The following MYO18A variants were observed in gnomAD, a reference collection of about 807,000 sequenced individuals.
MYO18A encodes the protein unconventional myosin-XVIIIa.
In MYO18A, 78 loss-of-function variants were observed where a neutral mutation model predicts 235.8. The ratio of observed to expected loss-of-function variants is 0.33; its 90% CI spans 0.28 to 0.40. The LOEUF (loss-of-function observed/expected upper bound fraction) is 0.40. MYO18A is among the 10% of genes least tolerant of loss of function. The probability of loss-of-function intolerance (pLI) is 1.00; values close to 1 mark genes in which losing one functional copy is unlikely to be tolerated. For missense variants in MYO18A, 2,215 were observed against 2,699.3 expected (o/e 0.82, Z 3.98); for synonymous variants, 977 against 1,077.8 (o/e 0.91, Z 1.83).
intron 1 of MYO18A, among the ~76,000 whole-genome samples, chr17:29,171,100 G>T (rs185699247): frequency 7.2e-5 from 11 of 152,290 alleles, no homozygotes; most frequent in Non-Finnish European, 4.4e-5. Flanking sequence ...TATATTGATA[G>T]CGGTTTGGGT....
At chr17:29,095,998 A>G (rs2066510412) in intron 28 of MYO18A, among the ~76,000 whole-genome samples, 1 of 152,182 alleles carries the variant, frequency 6.6e-6, no homozygotes, top group South Asian at 2.1e-4. Flanking sequence ...TGGGAGGAAT[A>G]GAAAACCTTC....
rs1186591007 is a variant in MYO18A, at chr17:29,121,095, G to T, written c.1488C>A (p.Leu496=). 3 of 1,612,480 alleles carry T rather than the reference G, an allele frequency of 1.9e-6. No individual in the cohort carries two copies. In the South Asian group the frequency reaches 3.3e-5, roughly 18 times the overall value. Residue 496 remains leucine, a synonymous_variant, in exon 6 of 42, where the codon CTC becomes CTA. Transcript: ENST00000527372. This position sits in a 1 kb window ranked among gnomAD's most constrained non-coding sequence, Gnocchi z 4.2. ...LMSRQDQSII[L]LGSSGSGKTT... is the part of the protein sequence containing the mutation. ...TCTTGCCACTGCCACTACTGCCCAG[G>T]AGGATGATTGACTGATCCTGACGGC...
At chr17:29,164,945 C>T (rs1357087446) in intron 2 of MYO18A, among the ~76,000 whole-genome samples, 1 of 152,186 alleles carries the variant, frequency 6.6e-6, no homozygotes, top group African/African-American at 2.4e-5. Flanking sequence ...TGCTTTTTCT[C>T]CTTCCAGGAG....
At chr17:29,085,461 T>C (rs528311916) in intron 40 of MYO18A, 143 bp downstream of exon 40, 44 of 723,972 alleles carry the variant, frequency 6.1e-5, no homozygotes, top group South Asian at 2.0e-4. Context: ...AGTCAGCATG[T>C]TAGCGTTAGA....
rs144646981 is a variant in MYO18A, at chr17:29,120,799, G to A, written c.1586-41C>T. On this transcript the variant is annotated intron_variant, in intron 6 of 41. Transcript: ENST00000527372. This position sits in a 1 kb window ranked among gnomAD's most constrained non-coding sequence, Gnocchi z 4.2. ...CCAAGGGGATATCAGGAAAGCCAGG[G>A]GCAGCTTATCCCCCAGCTAGGAGCT... 6.8e-5 allele frequency: 109 copies of A among 1,596,494 alleles called. No homozygotes were observed. In the African/African-American group the frequency reaches 1.2e-3, roughly 17 times the overall value.
Position 29,084,944 on chromosome 17 carries a change from C to T in MYO18A, c.5897+660G>A, listed in dbSNP as rs1234943817. Among the ~76,000 whole-genome samples the T allele has an allele frequency of 2.6e-5, 4 of 152,192 alleles. No homozygotes were observed. In the East Asian group the frequency reaches 7.7e-4, roughly 29 times the overall value. On this transcript the variant is annotated intron_variant, in intron 40 of 41. Coordinates refer to ENST00000527372, the MANE Select transcript of MYO18A (RefSeq NM_078471.4). ...GAGAGGGCTGGATTTCCTGGGCTTC[C>T]TGCCACCTGACAGTACCAGCACAAG...
intron 2 of MYO18A, among the ~76,000 whole-genome samples, chr17:29,156,384 C>T (rs908791886): frequency 2.6e-5 from 4 of 152,190 alleles, no homozygotes; most frequent in Non-Finnish European, 5.9e-5. Flanking sequence ...GGCAGCCTGT[C>T]CCCAGGACCT....
rs1598305858 is a variant in MYO18A, at chr17:29,103,634, G to T, written c.3472C>A (p.Leu1158Met). The change falls in exon 21 of 42, where the codon CTG (leucine) becomes ATG (methionine). Residue 1158 changes from leucine (L) to methionine (M), a missense_variant. Transcript: ENST00000527372. ...AVEELLECLD[L>M]EKSSCCMGLS... ...CCCATGCAGCAGCTGCTCTTCTCCA[G>T]ATCCAAGCACTCCAGCAGCTCCTCC... The T allele has an allele frequency of 1.2e-6, 2 of 1,613,894 alleles. No individual in the cohort carries two copies. The highest frequency in any genetic ancestry group is 2.2e-5 in the South Asian group (2 of 91,088).
rs2068290556 is a variant in MYO18A, at chr17:29,166,611, C to T, written c.330G>A (p.Glu110=). 2 of 1,613,928 alleles carry T rather than the reference C, an allele frequency of 1.2e-6. No individual in the cohort carries two copies. The highest frequency in any genetic ancestry group is 1.3e-5 in the African/African-American group (1 of 75,054). The part of the protein sequence containing the change: ...ASSSDDLKGE[E]GSFRGSVLQR... ...GCAGCACCGAGCCACGGAAGCTACC[C>T]TCCTCACCCTTGAGGTCATCGCTGG... Residue 110 remains glutamate, a synonymous_variant, in exon 2 of 42, where the codon GAG becomes GAA. Transcript: ENST00000527372.
chr17:29,092,503 T>C, intron 33 of MYO18A, 47 bp from the exon 34 acceptor site: 3 of 1,493,084 alleles, frequency 2.0e-6, no homozygotes, highest in South Asian at 1.2e-5. Flanking sequence ...CAGCCATTCC[T>C]TGGGGGCAGG....
chr17:29,081,178 G>A (rs1254911491), intron 41 of MYO18A, among the ~76,000 whole-genome samples: 2 of 152,224 alleles, frequency 1.3e-5, no homozygotes, highest in African/African-American at 2.4e-5. Flanking sequence ...GGTGGTGAGA[G>A]CATCGGAGGA....
At position 29,073,966 on chromosome 17, in the gene MYO18A, C is replaced by G. The variant is rs774825931; in HGVS notation, c.*804G>C. 1 of 1,613,844 alleles carries G rather than the reference C, an allele frequency of 6.2e-7. No individual in the cohort carries two copies. Among genetic ancestry groups the G allele is most frequent in the South Asian group, 1.1e-5 (1 of 91,058 alleles). ...ACTGCTGTAGTTGGAATGGGTTTAC[C>G]TTAAATAGGTCATTGCACATAACAC... On this transcript the variant is annotated 3_prime_UTR_variant, in exon 42 of 42. Transcript: ENST00000527372.
In MYO18A at chr17:29,079,936, G is replaced by A. The variant is rs1037142838; in HGVS notation, c.6020+2380C>T. 59 of 985,904 alleles carry A rather than the reference G, an allele frequency of 6.0e-5. No homozygotes were observed. The South Asian group carries it at 1.6e-3, about 27-fold the overall frequency. The allele number at this position is 985,904 out of a possible 1,614,324, so 61.1% of individuals were successfully genotyped here. A position where few individuals can be genotyped will look rare whatever the true frequency, so the allele number is the denominator to read the frequency against. ...CGAGGAGGACTCAGACTCCGTCTCC[G>A]TTCTCTTTCTTCTCGACTTGGACTT... is the stretch of plus-strand genomic sequence containing the variant. On this transcript the variant is annotated intron_variant, in intron 41 of 41. Coordinates refer to ENST00000527372, the MANE Select transcript of MYO18A (RefSeq NM_078471.4).
intron 2 of MYO18A, among the ~76,000 whole-genome samples, chr17:29,144,448 C>T (rs1243747054): frequency 1.3e-5 from 2 of 152,166 alleles, no homozygotes; most frequent in Non-Finnish European, 2.9e-5. Flanking sequence ...TGAAGCCTTC[C>T]CTGAAACCCA....
rs1354588185 is a variant in MYO18A at position 29,109,778 on chromosome 17, G to A, written c.3331+80C>T. 4.7e-6 allele frequency: 7 copies of A among 1,492,276 alleles called. No homozygotes were observed. The highest frequency in any genetic ancestry group is 2.8e-5 in the African/African-American group (2 of 71,850). The allele number at this position is 1,492,276 out of a possible 1,614,324, so 92.4% of individuals were successfully genotyped here. A position where few individuals can be genotyped will look rare whatever the true frequency, so the allele number is the denominator to read the frequency against. ...CAGGAGCAGCCCCACTGCAGCCCACGGGTCGCAGGTGGGAGGTGGGGCCGG... is the reference window on the plus strand; with the variant it reads ...CAGGAGCAGCCCCACTGCAGCCCACAGGTCGCAGGTGGGAGGTGGGGCCGG... On this transcript the variant is annotated intron_variant, in intron 19 of 41. Transcript: ENST00000527372. This position sits in a 1 kb window ranked among gnomAD's most constrained non-coding sequence, Gnocchi z 4.1.
At chr17:29,160,898 C>T (rs1567641052) in intron 2 of MYO18A, among the ~76,000 whole-genome samples, 1 of 152,190 alleles carries the variant, frequency 6.6e-6, no homozygotes, top group South Asian at 2.1e-4. Flanking sequence ...TTTAAGACCC[C>T]CTCTCCCTTC....
At chr17:29,097,964 A>G in intron 25 of MYO18A, 65 bp from the exon 26 acceptor site, 1 of 1,575,996 alleles carries the variant, frequency 6.3e-7, no homozygotes, top group Non-Finnish European at 8.6e-7. Context: ...CGAACCACAC[A>G]GACCATGATC....
At chr17:29,113,967 GA>G in intron 15 of MYO18A, 43 bp downstream of exon 15, 1 of 1,464,492 alleles carries the variant, frequency 6.8e-7, no homozygotes, top group Non-Finnish European at 9.4e-7. Flanking sequence ...GAGGGGTGGG[GA>G]ACGAGAGGAA....
At chr17:29,102,178 T>C (rs2066669713) in intron 21 of MYO18A, among the ~76,000 whole-genome samples, 1 of 152,244 alleles carries the variant, frequency 6.6e-6, no homozygotes, top group Admixed American at 6.5e-5. Context: ...GCACCTGGCA[T>C]GGCTCAGGAT....
Sources: gnomAD v4.1 joint callset for allele counts (sites outside exome capture counted in the v4.1 genomes callset) on GRCh38, gnomAD v4.1.1 for gene constraint, Gnocchi (gnomAD v3.1) non-coding constraint, MANE v1.5 for transcripts, NCBI Gene and HGNC (gene_info 2026-07-23, HGNC 2026-07-21) for gene names.